The following MTMR7 variants were observed in gnomAD, a reference collection of about 807,000 sequenced individuals.
The protein encoded by MTMR7 is phosphatidylinositol-3-phosphate phosphatase MTMR7.
MTMR7 carries 76 observed loss-of-function variants against 81.2 expected under a neutral mutation model. The ratio of observed to expected loss-of-function variants is 0.94; its 90% CI spans 0.78 to 1.13. The LOEUF is 1.13. Ranked by LOEUF, MTMR7 falls within the 50% of genes most tolerant of loss-of-function variation. The pLI, the probability that MTMR7 is intolerant of heterozygous loss-of-function variation, is 0.00. For synonymous variants in MTMR7, 372 were observed against 289.8 expected (o/e 1.28, Z -2.88); for missense variants, 1,044 against 820.0 (o/e 1.27, Z -3.34).
rs755256702 is a variant in MTMR7 at position 17,298,961 on chromosome 8, A to G, written c.*901T>C. On this transcript the variant is annotated 3_prime_UTR_variant, in exon 14 of 14. Coordinates refer to ENST00000180173, the MANE Select transcript of MTMR7 (RefSeq NM_004686.5). The stretch of plus-strand genomic sequence containing the variant: ...TTCATTAAACAGACATGACAACCCA[A>G]TTCTCTGGTTCTTGAAACTGGATTT... 6.6e-6 allele frequency: 1 copy of G among 152,192 alleles called. No homozygotes were observed. Among genetic ancestry groups the G allele is most frequent in the Non-Finnish European group, 1.5e-5 (1 of 68,014 alleles). The allele number at this position is 152,192 out of a possible 1,614,324, so 9.4% of individuals were successfully genotyped here.
intron 1 of MTMR7, among the ~76,000 whole-genome samples, chr8:17,395,241 T>G (rs1057346947): frequency 2.0e-5 from 3 of 152,244 alleles, no homozygotes; most frequent in African/African-American, 7.2e-5. Flanking sequence ...GTAGCATGTA[T>G]CAGAACTTCA....
chr8:17,352,297 T>C (rs1819751687), intron 4 of MTMR7, among the ~76,000 whole-genome samples: 1 of 152,190 alleles, frequency 6.6e-6, no homozygotes, highest in South Asian at 2.1e-4. Flanking sequence ...CTCATGTATA[T>C]GGTCATATGA....
At chr8:17,375,486 T>TTTGTTG (rs1563366409) in intron 1 of MTMR7, among the ~76,000 whole-genome samples, 1 of 152,006 alleles carries the variant, frequency 6.6e-6, no homozygotes, top group East Asian at 1.9e-4. Flanking sequence ...TTATGTTTTT[T>TTTGTTG]TTTTTTTTTT....
At chr8:17,384,002 T>TA (rs1222293826) in intron 1 of MTMR7, among the ~76,000 whole-genome samples, 13 of 152,126 alleles carry the variant, frequency 8.5e-5, no homozygotes, top group African/African-American at 3.1e-4. Flanking sequence ...TAATGGTTGC[T>TA]AAAAAAAGAT....
At chr8:17,371,247 A>C (rs1288912495) in intron 2 of MTMR7, 48 bp from the exon 3 acceptor site, 26 of 1,579,388 alleles carry the variant, frequency 1.6e-5, no homozygotes, top group Non-Finnish European at 2.2e-5. Context: ...ATAACTAATG[A>C]ATACGACAAG....
At chr8:17,315,552 T>G (rs1219649357) in intron 7 of MTMR7, among the ~76,000 whole-genome samples, 2 of 152,172 alleles carry the variant, frequency 1.3e-5, no homozygotes, top group African/African-American at 4.8e-5. Context: ...CAGGTGGCTG[T>G]GCATGTGTGC....
intron 1 of MTMR7, among the ~76,000 whole-genome samples, chr8:17,390,244 C>T (rs117983402): frequency 0.01 from 1,550 of 149,596 alleles, 12 homozygotes; most frequent in Middle Eastern, 0.018. Flanking sequence ...CAGGAAGCTT[C>T]CAATCATGGT....
At chr8:17,325,138 C>A (rs1455274809) in intron 7 of MTMR7, among the ~76,000 whole-genome samples, 1 of 151,926 alleles carries the variant, frequency 6.6e-6, no homozygotes, top group African/African-American at 2.4e-5. Context: ...CAGCCACAGC[C>A]TCTCCTCTCC....
In MTMR7 at chr8:17,354,525, A is replaced by G. The variant is rs545183085; in HGVS notation, c.469-5444T>C. Among the ~76,000 whole-genome samples, 18 of 152,364 alleles carry G rather than the reference A, an allele frequency of 1.2e-4. 1 individual carries two copies. The South Asian group carries it at 3.7e-3, about 32-fold the overall frequency. ...AATAGCGATGGTGGTAAGATGATAC[A>G]GATAATAGTAATAATTAGCCTGCCC... On this transcript the variant is annotated intron_variant, in intron 4 of 13. Coordinates refer to ENST00000180173, the MANE Select transcript of MTMR7 (RefSeq NM_004686.5).
chr8:17,355,590 T>C (rs1413131771), intron 4 of MTMR7, among the ~76,000 whole-genome samples: 1 of 150,160 alleles, frequency 6.7e-6, no homozygotes, highest in Non-Finnish European at 1.5e-5. Flanking sequence ...AAAAACAGTA[T>C]GCTAAAAGAC....
intron 3 of MTMR7, among the ~76,000 whole-genome samples, chr8:17,364,269 G>A (rs901898417): frequency 6.6e-6 from 1 of 151,914 alleles, no homozygotes; most frequent in African/African-American, 2.4e-5. Context: ...TCCTGACCTT[G>A]TGATCTGCCC....
chr8:17,353,305 G>T (rs1019505274), intron 4 of MTMR7, among the ~76,000 whole-genome samples: 1 of 152,162 alleles, frequency 6.6e-6, no homozygotes, highest in South Asian at 2.1e-4. Flanking sequence ...ATGGGGAGTT[G>T]TTTAATGGGT....
intron 5 of MTMR7, among the ~76,000 whole-genome samples, chr8:17,345,304 C>T (rs1819516718): frequency 6.6e-6 from 1 of 152,226 alleles, no homozygotes; most frequent in South Asian, 2.1e-4. Flanking sequence ...TCCTGCCCGT[C>T]CCCCAGAAGC....
chr8:17,302,670 G>A lies in MTMR7; in HGVS notation c.1494-390C>T, dbSNP rs183740142. ...TTGCAGCTTTTATCTTTTGTATCAC[G>A]ACCACTAAAAGTTGACATTTGCATT... On this transcript the variant is annotated intron_variant, in intron 12 of 13. Coordinates refer to ENST00000180173, the MANE Select transcript of MTMR7 (RefSeq NM_004686.5). Among the ~76,000 whole-genome samples the A allele has an allele frequency of 5.2e-5, 6 of 115,630 alleles. No individual in the cohort carries two copies. In the East Asian group the frequency reaches 9.9e-4, roughly 19 times the overall value. 75.9% of individuals were successfully genotyped at this position (115,630 alleles called of 152,430 possible).
At position 17,408,169 on chromosome 8, in the gene MTMR7, C is replaced by T. The variant is rs957812979; in HGVS notation, c.24+5100G>A. On this transcript the variant is annotated intron_variant, in intron 1 of 13. Transcript: ENST00000180173. ...ACTTTGGGAGGCCGAGGCGGGCGGACCACGAGGTCAGGAGATCGAGACCAT... is the reference window on the plus strand; with the variant it reads ...ACTTTGGGAGGCCGAGGCGGGCGGATCACGAGGTCAGGAGATCGAGACCAT... 2.2e-4 allele frequency among the ~76,000 whole-genome samples: 13 copies of T among 60,042 alleles called. 2 individuals are homozygous for T. The highest frequency in any genetic ancestry group is 6.1e-4 in the Non-Finnish European group (11 of 18,044). 39.4% of individuals were successfully genotyped at this position (60,042 alleles called of 152,430 possible).
chr8:17,325,684 C>T (rs1258949833), intron 7 of MTMR7, among the ~76,000 whole-genome samples: 1 of 152,164 alleles, frequency 6.6e-6, no homozygotes, highest in Non-Finnish European at 1.5e-5. Context: ...GAGAAAATAC[C>T]CAAAGGCCTA....
chr8:17,341,530 T>C (rs751176544), intron 5 of MTMR7, 33 bp from the exon 6 acceptor site: 4 of 1,609,406 alleles, frequency 2.5e-6, no homozygotes, highest in Non-Finnish European at 3.4e-6. Context: ...CACAGCACCA[T>C]CAGGTAACTG....
At chr8:17,347,258 C>G (rs996517477) in intron 5 of MTMR7, among the ~76,000 whole-genome samples, 1 of 151,294 alleles carries the variant, frequency 6.6e-6, no homozygotes, top group Non-Finnish European at 1.5e-5. Context: ...TCTGTGCAAG[C>G]TGAAATACAT....
rs1454306953 is a variant in MTMR7, at chr8:17,364,017, T to TATG, written c.311-2744_311-2743insCAT. On this transcript the variant is annotated intron_variant, in intron 3 of 13. Coordinates refer to ENST00000180173, the MANE Select transcript of MTMR7 (RefSeq NM_004686.5). Reference sequence around the variant, plus strand: ...ATATTTCTGGGGTAAAAAGTGTTGCTATTATTTTTTTTTTTTTTTTTTTTT... The same window carrying TATG: ...ATATTTCTGGGGTAAAAAGTGTTGCTATGATTATTTTTTTTTTTTTTTTTTTTT... Among the ~76,000 whole-genome samples the TATG allele has an allele frequency of 1.5e-4, 18 of 123,290 alleles. 1 individual carries two copies. Among genetic ancestry groups the TATG allele is most frequent in the African/African-American group, 5.9e-4 (16 of 27,180 alleles). 80.9% of individuals were successfully genotyped at this position (123,290 alleles called of 152,430 possible).
Sources: gnomAD v4.1 joint callset for allele counts (sites outside exome capture counted in the v4.1 genomes callset) on GRCh38, gnomAD v4.1.1 for gene constraint, MANE v1.5 for transcripts, NCBI Gene and HGNC (gene_info 2026-07-23, HGNC 2026-07-21) for gene names.